The following MAGI1 variants were observed in gnomAD, a reference collection of about 807,000 sequenced individuals.
MAGI1 encodes the protein membrane associated guanylate kinase, WW and PDZ domain containing 1.
MAGI1 carries 58 observed loss-of-function variants against 139.9 expected under a neutral mutation model. That is an observed-to-expected ratio of 0.41 (90% CI 0.34 to 0.52). The LOEUF (loss-of-function observed/expected upper bound fraction) is 0.52. MAGI1 is among the 20% of genes least tolerant of loss of function. MAGI1 has a pLI of 0.12. For synonymous variants in MAGI1, 812 were observed against 737.9 expected (o/e 1.10, Z -1.63); for missense variants, 1,874 against 1,901.6 (o/e 0.99, Z 0.27).
At chr3:65,519,797 A>G (rs557476085) in intron 2 of MAGI1, among the ~76,000 whole-genome samples, 1 of 152,354 alleles carries the variant, frequency 6.6e-6, no homozygotes, top group African/African-American at 2.4e-5. Context: ...AATTGAAGTT[A>G]CAGATTGTGA....
At chr3:65,532,034 C>A (rs558039049) in intron 2 of MAGI1, among the ~76,000 whole-genome samples, 1 of 152,270 alleles carries the variant, frequency 6.6e-6, no homozygotes, top group South Asian at 2.1e-4. Context: ...CCACCACCAT[C>A]ATCAATTCCT....
chr3:65,937,509 G>T (rs2063122557), intron 1 of MAGI1, among the ~76,000 whole-genome samples: 1 of 152,074 alleles, frequency 6.6e-6, no homozygotes, highest in Admixed American at 6.6e-5. Flanking sequence ...GCACTCCCCT[G>T]GTGAAGCAAT....
At chr3:65,628,634 T>C (rs548336219) in intron 1 of MAGI1, among the ~76,000 whole-genome samples, 33 of 152,200 alleles carry the variant, frequency 2.2e-4, no homozygotes, top group Admixed American at 5.2e-4. Context: ...AGTCTAGACA[T>C]AGTGAGCCAC....
At chr3:65,763,745 G>C (rs1051070243) in intron 1 of MAGI1, among the ~76,000 whole-genome samples, 1 of 150,974 alleles carries the variant, frequency 6.6e-6, no homozygotes, top group African/African-American at 2.4e-5. Flanking sequence ...TATCGCACAA[G>C]TGCTTTTAAA....
intron 2 of MAGI1, among the ~76,000 whole-genome samples, chr3:65,543,621 A>C (rs2079353043): frequency 6.6e-6 from 1 of 152,180 alleles, no homozygotes; most frequent in Non-Finnish European, 1.5e-5. Context: ...TGAAGCTGGA[A>C]ACCATCATTC....
chr3:65,517,898 T>C lies in MAGI1; in HGVS notation c.431-24267A>G, dbSNP rs1368235969. Among the ~76,000 whole-genome samples the C allele has an allele frequency of 2.0e-5, 3 of 152,174 alleles. No individual in the cohort carries two copies. In the East Asian group the frequency reaches 5.8e-4, roughly 29 times the overall value. On this transcript the variant is annotated intron_variant, in intron 2 of 22. Transcript: ENST00000402939. ...CCAATTCCCCATAACAGAGTCCCTC[T>C]GTTGAAAAACCTAGTATGATTTTTG... is the stretch of plus-strand genomic sequence containing the variant.
At chr3:65,647,952 A>T (rs1490467413) in intron 1 of MAGI1, among the ~76,000 whole-genome samples, 1 of 152,198 alleles carries the variant, frequency 6.6e-6, no homozygotes, top group African/African-American at 2.4e-5. Flanking sequence ...GTGTTGGCAA[A>T]AAAGAGCCAG....
intron 1 of MAGI1, among the ~76,000 whole-genome samples, chr3:65,783,221 GA>G (rs2039080564): frequency 6.6e-6 from 1 of 151,960 alleles, no homozygotes; most frequent in South Asian, 2.1e-4. Flanking sequence ...TATTTTAACA[GA>G]TATTTCTTTA....
intron 1 of MAGI1, among the ~76,000 whole-genome samples, chr3:65,633,163 G>C (rs943916855): frequency 1.3e-5 from 2 of 152,122 alleles, no homozygotes; most frequent in African/African-American, 4.8e-5. Flanking sequence ...TGGGGAGCTA[G>C]GCTCTATTTC....
At chr3:65,706,804 G>A (rs1366516776) in intron 1 of MAGI1, among the ~76,000 whole-genome samples, 2 of 152,090 alleles carry the variant, frequency 1.3e-5, no homozygotes, top group Admixed American at 6.5e-5. Flanking sequence ...ACGCAAGCAG[G>A]AGCCAGAGAC....
intron 1 of MAGI1, among the ~76,000 whole-genome samples, chr3:65,958,757 C>T (rs917349050): frequency 1.3e-5 from 2 of 152,136 alleles, no homozygotes; most frequent in African/African-American, 4.8e-5. Context: ...GAGGTCAAAG[C>T]AGGAGGATCA....
intron 1 of MAGI1, among the ~76,000 whole-genome samples, chr3:65,794,819 A>G (rs1219461768): frequency 6.7e-6 from 1 of 150,014 alleles, no homozygotes; most frequent in Non-Finnish European, 1.5e-5. Flanking sequence ...GCTGAACAAA[A>G]CACAACAAAA....
At chr3:65,668,742 C>CG (rs2086679140) in intron 1 of MAGI1, among the ~76,000 whole-genome samples, 1 of 150,992 alleles carries the variant, frequency 6.6e-6, no homozygotes, top group Non-Finnish European at 1.5e-5. Flanking sequence ...TTAGTAGAGA[C>CG]GGGGTTTCAC....
At chr3:65,488,892 C>T (rs924173313) in intron 3 of MAGI1, among the ~76,000 whole-genome samples, 1 of 151,734 alleles carries the variant, frequency 6.6e-6, no homozygotes. Flanking sequence ...AGGCTGGTCG[C>T]GAGCTCCTGA....
At chr3:65,490,727 C>G (rs1273124781) in intron 3 of MAGI1, among the ~76,000 whole-genome samples, 2 of 151,480 alleles carry the variant, frequency 1.3e-5, no homozygotes, top group Non-Finnish European at 2.9e-5. Context: ...ACCTGTAGTT[C>G]CAGCTACTCA....
intron 1 of MAGI1, among the ~76,000 whole-genome samples, chr3:65,833,412 C>T (rs1298942983): frequency 2.0e-5 from 3 of 152,134 alleles, no homozygotes; most frequent in Non-Finnish European, 2.9e-5. Flanking sequence ...AGCCACCACG[C>T]CTGGCCTAGG....
chr3:65,962,368 G>T (rs1231691975), intron 1 of MAGI1, among the ~76,000 whole-genome samples: 1 of 150,226 alleles, frequency 6.7e-6, no homozygotes, highest in Admixed American at 6.6e-5. Flanking sequence ...TGATCCACCC[G>T]CCTCGGCCTC....
chr3:65,723,085 G>A (rs1456749968), intron 1 of MAGI1, among the ~76,000 whole-genome samples: 2 of 152,198 alleles, frequency 1.3e-5, no homozygotes, highest in East Asian at 3.9e-4. Flanking sequence ...CATCATACAG[G>A]TCAGAAAAAG....
At chr3:65,476,501 T>TAG (rs905981053) in intron 4 of MAGI1, among the ~76,000 whole-genome samples, 5 of 152,270 alleles carry the variant, frequency 3.3e-5, no homozygotes, top group East Asian at 1.9e-4. Context: ...GCATGGCTTC[T>TAG]AGAGAGAGAG....
Sources: allele counts gnomAD v4.1 joint callset (sites outside exome capture counted in the v4.1 genomes callset), GRCh38; gene constraint gnomAD v4.1.1; transcripts MANE v1.5; gene names NCBI Gene and HGNC (gene_info 2026-07-23, HGNC 2026-07-21).